The following D2HGDH variants were observed in gnomAD, a reference collection of about 807,000 sequenced individuals.
D2HGDH encodes D-2-hydroxyglutarate dehydrogenase.
Under a neutral mutation model 46.9 loss-of-function variants are expected in D2HGDH, and 31 were observed. The ratio of observed to expected loss-of-function variants is 0.66; its 90% CI spans 0.50 to 0.89. D2HGDH has a LOEUF of 0.89. Among genes scored for constraint, D2HGDH ranks in the 40% least tolerant of loss-of-function variants. D2HGDH has a pLI of 0.00. For synonymous variants in D2HGDH, 364 were observed against 332.6 expected, an observed-to-expected ratio of 1.09 and a Z score of -1.03; for missense variants, 698 against 720.8, an observed-to-expected ratio of 0.97 and a Z score of 0.36.
rs1694897164 is a variant in D2HGDH at position 241,742,955 on chromosome 2, GGC to G, written c.490+383_490+384del. Among the ~76,000 whole-genome samples, 1 of 110,672 alleles carries G rather than the reference GGC, an allele frequency of 9.0e-6. No homozygotes were observed. The highest frequency in any genetic ancestry group is 4.5e-5 in the African/African-American group (1 of 22,114). 72.6% of individuals were successfully genotyped at this position (110,672 alleles called of 152,430 possible). ...TGACCCAGGGCGCCAGGGCGTGGCA[GGC>G]GTGAGGGGATCCTGACCCAGGGCGC... On this transcript the variant is annotated intron_variant, in intron 4 of 9. Transcript: ENST00000321264. The surrounding 1 kb of genome is among the most constrained non-coding windows in gnomAD (Gnocchi z 4.8).
chr2:241,740,980 C>T, intron 2 of D2HGDH, 53 bp from the exon 3 acceptor site: 2 of 1,479,418 alleles, frequency 1.4e-6, no homozygotes, highest in Non-Finnish European at 9.4e-7. Context: ...TGACCACTTG[C>T]CTCATCTGCA....
At chr2:241,747,546 GT>G (rs760885558) in intron 6 of D2HGDH, among the ~76,000 whole-genome samples, 165 of 136,622 alleles carry the variant, frequency 1.2e-3, no homozygotes, top group Non-Finnish European at 1.2e-3. Flanking sequence ...TCAGGAGAGT[GT>G]TTTTTTTTTT....
intron 9 of D2HGDH, among the ~76,000 whole-genome samples, chr2:241,759,528 C>T (rs763328387): frequency 6.6e-6 from 1 of 152,202 alleles, no homozygotes; most frequent in Non-Finnish European, 1.5e-5. Context: ...TTAGCTTCAG[C>T]TTTTCCATCC....
Position 241,735,389 on chromosome 2 carries a change from GCGCTTGCCGTTCTCCA to G in D2HGDH, c.168_183del (p.Leu57CysfsTer43), listed in dbSNP as rs768616316. ...TGACCCGGGAGCGCTACCCCGTGCGGCGCTTGCCGTTCTCCACGGTGTCTAAGCAGGACCTGGCCGC... is the reference window on the plus strand; with the variant it reads ...TGACCCGGGAGCGCTACCCCGTGCGGCGGTGTCTAAGCAGGACCTGGCCGC... On this transcript the variant is annotated frameshift_variant, in exon 2 of 10. Coordinates refer to ENST00000321264, the MANE Select transcript of D2HGDH (RefSeq NM_152783.5). LOFTEE classifies it high-confidence loss of function. 3 of 1,592,750 alleles carry G rather than the reference GCGCTTGCCGTTCTCCA, an allele frequency of 1.9e-6. No individual in the cohort carries two copies. The South Asian group carries it at 3.4e-5, about 18-fold the overall frequency.
In D2HGDH at chr2:241,764,450, CAACA is replaced by C. The variant is rs374105802; in HGVS notation, c.1307-3255_1307-3252del. 8.0e-4 allele frequency among the ~76,000 whole-genome samples: 122 copies of C among 152,288 alleles called. 1 individual carries two copies. The East Asian group carries it at 0.014, about 18-fold the overall frequency. On this transcript the variant is annotated intron_variant, in intron 9 of 9. Transcript: ENST00000321264. Reference sequence around the variant, plus strand: ...TGAATTCAGGCCCACGTGGCGTCTTCAACAAACAGTCAAATTTTAGGGATGTCAC... The same window carrying C: ...TGAATTCAGGCCCACGTGGCGTCTTCAACAGTCAAATTTTAGGGATGTCAC...
At chr2:241,756,143 C>A in intron 9 of D2HGDH, 129 bp downstream of exon 9, 1 of 1,317,970 alleles carries the variant, frequency 7.6e-7, no homozygotes, top group Non-Finnish European at 1.0e-6. Flanking sequence ...CTCCCGTAGA[C>A]ACTGGCAGGA....
In D2HGDH at chr2:241,755,726, G is replaced by T. The variant is rs547106003; in HGVS notation, c.1141-123G>T. The T allele has an allele frequency of 2.4e-4, 385 of 1,589,576 alleles. 1 individual carries two copies. The highest frequency in any genetic ancestry group is 2.9e-4 in the Non-Finnish European group (336 of 1,174,746). On this transcript the variant is annotated intron_variant, in intron 8 of 9. Transcript: ENST00000321264. The stretch of plus-strand genomic sequence containing the variant: ...CTGGTCTGGGGCATTTGCTGTCCGG[G>T]GTCGGAGCCTCACCTGGTGAAGATA...
chr2:241,735,851 C>T (rs938533479), intron 2 of D2HGDH: 24 of 352,196 alleles, frequency 6.8e-5, no homozygotes, highest in Admixed American at 4.5e-4. Context: ...CCACCTCTGC[C>T]TCCCGGGTTC....
At chr2:241,744,979 G>GCCC in intron 6 of D2HGDH, 102 bp downstream of exon 6, 8 of 1,447,010 alleles carry the variant, frequency 5.5e-6, no homozygotes, top group Non-Finnish European at 7.7e-6. Flanking sequence ...GGGACCCCCC[G>GCCC]CCAAGGACAG....
intron 8 of D2HGDH, chr2:241,754,936 G>C (rs2125153842): frequency 9.3e-7 from 1 of 1,070,912 alleles, no homozygotes; most frequent in African/African-American, 1.7e-5. Flanking sequence ...GAAATGATAG[G>C]GTCTCTGGAG....
At chr2:241,751,130 C>T in intron 7 of D2HGDH, 116 bp from the exon 8 acceptor site, 2 of 1,443,774 alleles carry the variant, frequency 1.4e-6, no homozygotes, top group Non-Finnish European at 1.9e-6. Flanking sequence ...TGCCTGGGTC[C>T]TTCTTGGCCA....
intron 7 of D2HGDH, among the ~76,000 whole-genome samples, chr2:241,750,573 AT>A (rs1174216244): frequency 5.9e-5 from 9 of 152,194 alleles, no homozygotes; most frequent in Non-Finnish European, 1.5e-5. Flanking sequence ...CTAAGTGGCT[AT>A]TTTTGGTGAG....
At chr2:241,745,893 T>G (rs1044179363) in intron 6 of D2HGDH, among the ~76,000 whole-genome samples, 10 of 152,214 alleles carry the variant, frequency 6.6e-5, no homozygotes, top group African/African-American at 2.2e-4. Context: ...CGCTGTCCTC[T>G]GGCCTCCTCG....
Position 241,743,502 on chromosome 2 carries a change from C to G in D2HGDH, c.491-120C>G. The G allele has an allele frequency of 8.5e-7, 1 of 1,182,080 alleles. No individual in the cohort carries two copies. The highest frequency in any genetic ancestry group is 1.2e-6 in the Non-Finnish European group (1 of 825,252). 73.2% of individuals were successfully genotyped at this position (1,182,080 alleles called of 1,614,324 possible). On this transcript the variant is annotated intron_variant, in intron 4 of 9. Coordinates refer to ENST00000321264, the MANE Select transcript of D2HGDH (RefSeq NM_152783.5). This position sits in a 1 kb window ranked among gnomAD's most constrained non-coding sequence, Gnocchi z 4.8. ...GTGGGGGTGCCTCTTCTCCTCAGCCCTGGCGCTGAGGCTGATGTTCCTTCT... is the reference window on the plus strand; with the variant it reads ...GTGGGGGTGCCTCTTCTCCTCAGCCGTGGCGCTGAGGCTGATGTTCCTTCT...
intron 5 of D2HGDH, 103 bp from the exon 6 acceptor site, chr2:241,744,606 G>A: frequency 2.9e-6 from 4 of 1,391,284 alleles, no homozygotes; most frequent in Admixed American, 3.4e-5. Context: ...CAGCCTCTTG[G>A]CATGACCTCA....
intron 6 of D2HGDH, among the ~76,000 whole-genome samples, chr2:241,745,464 G>A (rs1695619114): frequency 1.3e-5 from 2 of 152,166 alleles, no homozygotes; most frequent in Non-Finnish European, 2.9e-5. Flanking sequence ...CGCACAGCCC[G>A]GCAGTCTTCG....
chr2:241,756,475 CT>C lies in D2HGDH; in HGVS notation c.1306+464del, dbSNP rs1251797601. Among the ~76,000 whole-genome samples the C allele has an allele frequency of 3.9e-5, 6 of 152,222 alleles. 1 individual carries two copies. Among genetic ancestry groups the C allele is most frequent in the Admixed American group, 3.9e-4 (6 of 15,278 alleles). On this transcript the variant is annotated intron_variant, in intron 9 of 9. Transcript: ENST00000321264. ...ATCTTTTTTCTGCAGAAAAATCATG[CT>C]TTAACGTGTAAGCTATTAATTCATA...
chr2:241,759,227 G>A (rs1174877310), intron 9 of D2HGDH, among the ~76,000 whole-genome samples: 1 of 152,118 alleles, frequency 6.6e-6, no homozygotes. Flanking sequence ...TATACGTCGC[G>A]TGTTCATTCT....
In D2HGDH at chr2:241,742,435, G is replaced by T; in HGVS notation, c.351G>T (p.Arg117Ser). Residue 117 changes from arginine to serine, a missense_variant and splice_region_variant, in exon 4 of 10, where the codon AGG becomes AGT. Transcript: ENST00000321264. The surrounding 1 kb of genome is among the most constrained non-coding windows in gnomAD (Gnocchi z 4.8). Reference protein sequence around the residue: ...RTSEEVSHILRHCHERNLAVN... With the variant: ...RTSEEVSHILSHCHERNLAVN... ...AACGTCCCTCCTGTCCTCATCCCAG[G>T]CACTGCCACGAGAGGAACCTGGCCG... is the stretch of plus-strand genomic sequence containing the variant. The T allele has an allele frequency of 6.2e-7, 1 of 1,609,890 alleles. No individual in the cohort carries two copies. Among genetic ancestry groups the T allele is most frequent in the Non-Finnish European group, 8.5e-7 (1 of 1,178,104 alleles).
Sources: allele counts gnomAD v4.1 joint callset (sites outside exome capture counted in the v4.1 genomes callset), GRCh38; gene constraint gnomAD v4.1.1; non-coding constraint Gnocchi (gnomAD v3.1); transcripts MANE v1.5; gene names NCBI Gene and HGNC (gene_info 2026-07-23, HGNC 2026-07-21).